IL33: variants seen among roughly 807,000 people sequenced by gnomAD.
The protein encoded by IL33 is interleukin-33.
In IL33, 37 loss-of-function variants were observed where a neutral mutation model predicts 27.3. That is an observed-to-expected ratio of 1.36 (90% CI 1.04 to 1.78). The LOEUF (loss-of-function observed/expected upper bound fraction) is 1.78, where lower values mean the gene tolerates loss of function less well. Among genes scored for constraint, IL33 ranks in the 40% most tolerant of loss-of-function variants. IL33 has a pLI of 0.00. For synonymous variants in IL33, 132 were observed against 102.9 expected, an observed-to-expected ratio of 1.28 and a Z score of -1.71; for missense variants, 406 against 311.4, an observed-to-expected ratio of 1.30 and a Z score of -2.29.
intron 1 of IL33, among the ~76,000 whole-genome samples, chr9:6,230,559 TC>T (rs1307150044): frequency 2.0e-5 from 3 of 152,120 alleles, no homozygotes; most frequent in African/African-American, 4.8e-5. Context: ...TGTGCTCCCA[TC>T]CCCCGCTTCT....
rs1347479977 is a variant in IL33, at chr9:6,250,559, C to T, written c.177C>T (p.Tyr59=). ...TTATGATAAAAAAGGAGGCCTGTTA[C>T]TTTAGGAGAGAAACCACCAAAAGGC... ...SGLMIKKEAC[Y]FRRETTKRPS... is the part of the protein sequence containing the mutation. The change falls in exon 3 of 8, where the codon TAC becomes TAT. Residue 59 remains tyrosine, a synonymous_variant. Transcript: ENST00000682010. 1.2e-6 allele frequency: 2 copies of T among 1,613,958 alleles called. No homozygotes were observed. The highest frequency in any genetic ancestry group is 1.7e-6 in the Non-Finnish European group (2 of 1,179,916).
rs1489214813 is a variant in IL33, at chr9:6,225,361, T to C, written c.-12+9509T>C. Among the ~76,000 whole-genome samples the C allele has an allele frequency of 5.9e-5, 9 of 152,306 alleles. No homozygotes were observed. In the East Asian group the frequency reaches 1.7e-3, roughly 29 times the overall value. ...TCTTTGTTGTTGCTGAATAAAGAAA[T>C]GGCAGCAGGATAGAGGGAAGAGCAG... On this transcript the variant is annotated intron_variant, in intron 1 of 7. Coordinates refer to ENST00000682010, the MANE Select transcript of IL33 (RefSeq NM_033439.4).
In IL33 at chr9:6,256,195, T is replaced by TCAACCCAA; in HGVS notation, c.*27_*28insCAACCCAA. On this transcript the variant is annotated 3_prime_UTR_variant, in exon 8 of 8. Transcript: ENST00000682010. ...TGATGGAAACCTGTGAGTCTTGGGT[T>TCAACCCAA]GAGTACCCAAATGCTACCACTGGAG... 1 of 1,524,118 alleles carries TCAACCCAA rather than the reference T, an allele frequency of 6.6e-7. No homozygotes were observed. The highest frequency in any genetic ancestry group is 9.1e-7 in the Non-Finnish European group (1 of 1,099,920). The allele number at this position is 1,524,118 out of a possible 1,614,324, so 94.4% of individuals were successfully genotyped here.
At chr9:6,250,751 G>T in intron 3 of IL33, 152 bp downstream of exon 3, 1 of 871,726 alleles carries the variant, frequency 1.1e-6, no homozygotes, top group Non-Finnish European at 1.7e-6. Context: ...TTTTTAAAAG[G>T]GCATATAAAG....
In IL33 at chr9:6,257,665, T is replaced by C. The variant is rs984407143; in HGVS notation, c.*1497T>C. On this transcript the variant is annotated 3_prime_UTR_variant, in exon 8 of 8. Transcript: ENST00000682010. ...CAGAATCTTTATGAAATATGACCTTTTCTGAAAATACATACTTTTACATTT... is the reference window on the plus strand; with the variant it reads ...CAGAATCTTTATGAAATATGACCTTCTCTGAAAATACATACTTTTACATTT... The C allele has an allele frequency of 1.5e-4, 23 of 152,528 alleles. No homozygotes were observed. Among genetic ancestry groups the C allele is most frequent in the African/African-American group, 5.3e-4 (22 of 41,468 alleles). The allele number at this position is 152,528 out of a possible 1,614,324, so 9.4% of individuals were successfully genotyped here. A position where few individuals can be genotyped will look rare whatever the true frequency, so the allele number is the denominator to read the frequency against.
intron 1 of IL33, among the ~76,000 whole-genome samples, chr9:6,229,826 T>A (rs761549757): frequency 3.3e-5 from 5 of 152,178 alleles, no homozygotes; most frequent in African/African-American, 4.8e-5. Flanking sequence ...TTGGATCTAT[T>A]ATTATATATA....
At chr9:6,226,929 C>A (rs1818663694) in intron 1 of IL33, among the ~76,000 whole-genome samples, 1 of 152,196 alleles carries the variant, frequency 6.6e-6, no homozygotes, top group African/African-American at 2.4e-5. Context: ...CAGCTGAGTT[C>A]TTCAAGATAA....
rs748541003 is a variant in IL33 at position 6,255,970 on chromosome 9, C to T, written c.615C>T (p.Leu205=). The change falls in exon 8 of 8, where the codon CTC becomes CTT. Residue 205 remains leucine (L), a splice_region_variant and synonymous_variant. Coordinates refer to ENST00000682010, the MANE Select transcript of IL33 (RefSeq NM_033439.4). ...HANNKEHSVE[L]HKCEKPLPDQ... ...TGCTTTCTCTCTTGTTTCCTCAGCTCCATAAGTGTGAAAAACCACTGCCAG... is the reference window on the plus strand; with the variant it reads ...TGCTTTCTCTCTTGTTTCCTCAGCTTCATAAGTGTGAAAAACCACTGCCAG... 8 of 1,613,176 alleles carry T rather than the reference C, an allele frequency of 5.0e-6. No homozygotes were observed. The highest frequency in any genetic ancestry group is 6.8e-6 in the Non-Finnish European group (8 of 1,179,280).
rs1816737747 is a variant in IL33 at position 6,256,445 on chromosome 9, T to C, written c.*277T>C. 2.2e-6 allele frequency: 1 copy of C among 450,776 alleles called. No homozygotes were observed. Among genetic ancestry groups the C allele is most frequent in the South Asian group, 6.3e-5 (1 of 15,998 alleles). The allele number at this position is 450,776 out of a possible 1,614,324, so 27.9% of individuals were successfully genotyped here. ...CATTCTAAAGAGATACAGTCTGACCTTTACTTTTCTCTAGTTTCAGTCCAG... is the reference window on the plus strand; with the variant it reads ...CATTCTAAAGAGATACAGTCTGACCCTTACTTTTCTCTAGTTTCAGTCCAG... On this transcript the variant is annotated 3_prime_UTR_variant, in exon 8 of 8. Transcript: ENST00000682010.
chr9:6,254,587 A>G (rs1816617755), intron 7 of IL33, 34 bp downstream of exon 7: 2 of 1,273,718 alleles, frequency 1.6e-6, no homozygotes, highest in Non-Finnish European at 2.2e-6. Context: ...ATCTATATAT[A>G]TGATTACAGA....
intron 1 of IL33, among the ~76,000 whole-genome samples, chr9:6,237,034 CAT>C (rs959026171): frequency 6.6e-5 from 10 of 152,212 alleles, no homozygotes; most frequent in South Asian, 2.1e-4. Context: ...TTGCTTAATC[CAT>C]GTGTGTGTGT....
chr9:6,246,204 CT>C (rs1316104467), intron 2 of IL33, among the ~76,000 whole-genome samples: 1 of 151,066 alleles, frequency 6.6e-6, no homozygotes, highest in Admixed American at 6.6e-5. Context: ...ATTATAAGGA[CT>C]GCCATGGTTT....
At chr9:6,219,601 TTA>T (rs1818327361) in intron 1 of IL33, among the ~76,000 whole-genome samples, 1 of 152,220 alleles carries the variant, frequency 6.6e-6, no homozygotes, top group African/African-American at 2.4e-5. Context: ...ATTTTGGATC[TTA>T]CTTAACTTTC....
chr9:6,230,457 C>T (rs1227873252), intron 1 of IL33, among the ~76,000 whole-genome samples: 1 of 152,100 alleles, frequency 6.6e-6, no homozygotes. Flanking sequence ...TTCTATCTTC[C>T]CTTTTTCCAT....
intron 3 of IL33, 94 bp from the exon 4 acceptor site, chr9:6,251,046 A>G (rs1436329721): frequency 4.0e-6 from 6 of 1,506,820 alleles, no homozygotes; most frequent in African/African-American, 2.8e-5. Context: ...GTCAATCACT[A>G]CTCTCAGCAA....
At chr9:6,226,859 CT>C (rs1818659919) in intron 1 of IL33, among the ~76,000 whole-genome samples, 1 of 152,244 alleles carries the variant, frequency 6.6e-6, no homozygotes, top group Admixed American at 6.5e-5. Context: ...CAAATTTTGA[CT>C]GCAGACTACT....
chr9:6,220,091 C>T (rs1443732473), intron 1 of IL33, among the ~76,000 whole-genome samples: 1 of 152,168 alleles, frequency 6.6e-6, no homozygotes, highest in Non-Finnish European at 1.5e-5. Context: ...CTACATTCAC[C>T]TTTTGCCCTA....
In IL33 at chr9:6,251,254, C is replaced by G; in HGVS notation, c.332C>G (p.Ser111Ter). 1 of 1,613,432 alleles carries G rather than the reference C, an allele frequency of 6.2e-7. No homozygotes were observed. Among genetic ancestry groups the G allele is most frequent in the Non-Finnish European group, 8.5e-7 (1 of 1,179,546 alleles). The part of the protein sequence containing the change: ...VQKYTRALHD[S>*]SITGISPITE... ...AAATATACTAGAGCACTTCATGATT[C>G]AAGTATCACAGGTATGACTGGTTAC... Residue 111 changes from serine to a stop codon, truncating the protein, a stop_gained, in exon 4 of 8, where the codon TCA becomes TGA. Transcript: ENST00000682010. LOFTEE classifies it high-confidence loss of function.
chr9:6,241,876 T>C (rs1819548342), intron 2 of IL33, 91 bp downstream of exon 2: 1 of 820,740 alleles, frequency 1.2e-6, no homozygotes, highest in African/African-American at 1.7e-5. Flanking sequence ...TGCTATCTTA[T>C]CAAAATCTAC....
Sources: allele counts gnomAD v4.1 joint callset (sites outside exome capture counted in the v4.1 genomes callset), GRCh38; gene constraint gnomAD v4.1.1; transcripts MANE v1.5; gene names NCBI Gene and HGNC (gene_info 2026-07-23, HGNC 2026-07-21).